CSMD1: variants seen among roughly 807,000 people sequenced by gnomAD.
The protein encoded by CSMD1 is CUB and sushi domain-containing protein 1.
CSMD1 carries 213 observed loss-of-function variants against 417.5 expected under a neutral mutation model. The observed-to-expected ratio is 0.51, with a 90% CI of 0.46 to 0.57. CSMD1 has a LOEUF of 0.57. Ranked by LOEUF, CSMD1 falls within the 20% of genes least tolerant of loss-of-function variation. The pLI, the probability that CSMD1 is intolerant of heterozygous loss-of-function variation, is 0.00. For synonymous variants in CSMD1, 2,862 were observed against 1,736.8 expected (o/e 1.65, Z -16.11); for missense variants, 6,923 against 4,529.7 (o/e 1.53, Z -15.17).
chr8:3,819,569 T>C (rs1801602204), intron 5 of CSMD1, among the ~76,000 whole-genome samples: 1 of 145,592 alleles, frequency 6.9e-6, no homozygotes, highest in African/African-American at 2.7e-5. Flanking sequence ...CACGTATGTA[T>C]ATAAACGCCA....
At position 3,527,494 on chromosome 8, in the gene CSMD1, G is replaced by A. The variant is rs879514498; in HGVS notation, c.1345-33768C>T. Among the ~76,000 whole-genome samples, 30 of 152,102 alleles carry A rather than the reference G, an allele frequency of 2.0e-4. 1 individual carries two copies. Among genetic ancestry groups the A allele is most frequent in the Admixed American group, 1.9e-3 (29 of 15,264 alleles). ...ATGTCACTATGAAAAGGTTTCCCAG[G>A]GGAGGTCTGCCTGGTGAGGGAGCTG... On this transcript the variant is annotated intron_variant, in intron 10 of 69. Coordinates refer to ENST00000635120, the MANE Select transcript of CSMD1 (RefSeq NM_033225.6).
At chr8:3,176,360 G>A (rs1820936141) in intron 37 of CSMD1, among the ~76,000 whole-genome samples, 2 of 152,008 alleles carry the variant, frequency 1.3e-5, no homozygotes, top group Non-Finnish European at 2.9e-5. Context: ...TCACAGTTAT[G>A]ATGAAATCCA....
At chr8:3,856,029 C>T (rs74802874) in intron 5 of CSMD1, among the ~76,000 whole-genome samples, 4,061 of 152,026 alleles carry the variant, frequency 0.027, 170 homozygotes, top group African/African-American at 0.089. Flanking sequence ...CAAACATTAC[C>T]AAACTTTTAT....
chr8:4,840,861 C>T (rs1800800454), intron 1 of CSMD1, among the ~76,000 whole-genome samples: 1 of 152,214 alleles, frequency 6.6e-6, no homozygotes, highest in South Asian at 2.1e-4. Flanking sequence ...AATAAAAATA[C>T]ATTCTTGTTA....
intron 3 of CSMD1, among the ~76,000 whole-genome samples, chr8:4,064,759 G>A (rs946638374): frequency 6.6e-6 from 1 of 152,054 alleles, no homozygotes; most frequent in African/African-American, 2.4e-5. Context: ...GTACTGCTGT[G>A]GAAACAATCC....
At chr8:4,993,109 C>G (rs1468341576) in intron 1 of CSMD1, among the ~76,000 whole-genome samples, 1 of 152,080 alleles carries the variant, frequency 6.6e-6, no homozygotes, top group African/African-American at 2.4e-5. Flanking sequence ...TCCATCTGGA[C>G]CACTGGAGGA....
intron 10 of CSMD1, among the ~76,000 whole-genome samples, chr8:3,558,292 T>TA (rs1563152007): frequency 6.7e-6 from 1 of 149,734 alleles, no homozygotes; most frequent in Non-Finnish European, 1.5e-5. Flanking sequence ...GGTGCCTCAA[T>TA]GGAACTCCGT....
At chr8:4,289,837 G>A (rs905770063) in intron 3 of CSMD1, among the ~76,000 whole-genome samples, 5 of 152,130 alleles carry the variant, frequency 3.3e-5, no homozygotes, top group African/African-American at 1.2e-4. Context: ...CTAATGTCTG[G>A]CTCAGAGTAG....
At chr8:4,607,547 G>A (rs916980911) in intron 2 of CSMD1, among the ~76,000 whole-genome samples, 2 of 152,116 alleles carry the variant, frequency 1.3e-5, no homozygotes, top group Non-Finnish European at 2.9e-5. Context: ...ATTTGACCTA[G>A]GTTTCAACAA....
intron 5 of CSMD1, among the ~76,000 whole-genome samples, chr8:3,792,019 T>C (rs1245647952): frequency 4.6e-5 from 7 of 151,388 alleles, no homozygotes; most frequent in African/African-American, 1.7e-4. Flanking sequence ...ACTTCTAATG[T>C]TTTGACAGTC....
At chr8:4,586,991 G>A (rs1314730781) in intron 2 of CSMD1, among the ~76,000 whole-genome samples, 1 of 152,166 alleles carries the variant, frequency 6.6e-6, no homozygotes, top group South Asian at 2.1e-4. Flanking sequence ...CGCCTAAAAA[G>A]TTATAATAGA....
At chr8:3,306,951 T>TTGCCAA (rs1804905685) in intron 25 of CSMD1, among the ~76,000 whole-genome samples, 1 of 152,176 alleles carries the variant, frequency 6.6e-6, no homozygotes, top group Non-Finnish European at 1.5e-5. Flanking sequence ...GTTCACATCA[T>TTGCCAA]TTTCTGAAAT....
At position 3,387,786 on chromosome 8, in the gene CSMD1, C is replaced by G. The variant is rs185722268; in HGVS notation, c.2594-104G>C. On this transcript the variant is annotated intron_variant, in intron 17 of 69. Transcript: ENST00000635120. ...CGAAATAGTCTCAGAAATAATAAGA[C>G]CTGAAACATTATGCAAGTGAACCCA... 25 of 927,142 alleles carry G rather than the reference C, an allele frequency of 2.7e-5. No individual in the cohort carries two copies. The East Asian group carries it at 5.6e-4, about 21-fold the overall frequency. The allele number at this position is 927,142 out of a possible 1,614,324, so 57.4% of individuals were successfully genotyped here.
At chr8:4,109,587 G>A (rs1801745978) in intron 3 of CSMD1, among the ~76,000 whole-genome samples, 1 of 152,114 alleles carries the variant, frequency 6.6e-6, no homozygotes, top group Admixed American at 6.5e-5. Flanking sequence ...GAACTACGCA[G>A]GAGCATTTGC....
At chr8:4,652,235 G>A (rs1030476865) in intron 1 of CSMD1, among the ~76,000 whole-genome samples, 3 of 152,168 alleles carry the variant, frequency 2.0e-5, no homozygotes, top group African/African-American at 7.2e-5. Context: ...GGATGGGATT[G>A]GGGAAAATGA....
intron 14 of CSMD1, 56 bp from the exon 15 acceptor site, chr8:3,406,277 G>A: frequency 7.2e-7 from 1 of 1,396,850 alleles, no homozygotes; most frequent in Non-Finnish European, 9.7e-7. Context: ...TTAATTACAT[G>A]TATTAAAAAA....
intron 54 of CSMD1, among the ~76,000 whole-genome samples, chr8:2,997,071 C>T (rs1008248843): frequency 2.6e-5 from 4 of 152,224 alleles, no homozygotes; most frequent in Non-Finnish European, 5.9e-5. Context: ...GCTTCACCCC[C>T]TCACTCTGGT....
intron 3 of CSMD1, among the ~76,000 whole-genome samples, chr8:4,131,156 G>C (rs1396032795): frequency 1.3e-5 from 2 of 152,090 alleles, no homozygotes; most frequent in African/African-American, 2.4e-5. Flanking sequence ...GTAGATTTTA[G>C]ACAAAAGACT....
At chr8:4,298,069 G>A (rs6990402) in intron 3 of CSMD1, among the ~76,000 whole-genome samples, 2 of 152,070 alleles carry the variant, frequency 1.3e-5, no homozygotes, top group African/African-American at 4.8e-5. Flanking sequence ...ACATGCTAGC[G>A]TCTCTCTGGT....
Sources: allele counts gnomAD v4.1 joint callset (sites outside exome capture counted in the v4.1 genomes callset), GRCh38; gene constraint gnomAD v4.1.1; transcripts MANE v1.5; gene names NCBI Gene and HGNC (gene_info 2026-07-23, HGNC 2026-07-21).